The following GALNTL6 variants were observed in gnomAD, a reference collection of about 807,000 sequenced individuals.
GALNTL6 encodes polypeptide N-acetylgalactosaminyltransferase-like 6.
Under a neutral mutation model 73.7 loss-of-function variants are expected in GALNTL6, and 46 were observed. That is an observed-to-expected ratio of 0.62 (90% CI 0.49 to 0.80). The LOEUF is 0.80. GALNTL6 is among the 30% of genes least tolerant of loss of function. The pLI is 0.00. For missense variants in GALNTL6, 604 were observed against 755.0 expected (o/e 0.80, Z 2.34); for synonymous variants, 259 against 263.7 (o/e 0.98, Z 0.17).
chr4:172,204,330 A>C (rs1342477970), intron 2 of GALNTL6, among the ~76,000 whole-genome samples: 1 of 152,182 alleles, frequency 6.6e-6, no homozygotes, highest in East Asian at 1.9e-4. Flanking sequence ...TGACAGTGTA[A>C]GTCTTTTCTA....
intron 2 of GALNTL6, among the ~76,000 whole-genome samples, chr4:171,993,397 A>G (rs934773529): frequency 6.6e-6 from 1 of 152,110 alleles, no homozygotes; most frequent in East Asian, 1.9e-4. Context: ...GTTCAACTGT[A>G]TGGAGAACTT....
chr4:172,670,134 G>A (rs772959384), intron 5 of GALNTL6, among the ~76,000 whole-genome samples: 33 of 152,182 alleles, frequency 2.2e-4, no homozygotes, highest in East Asian at 5.8e-4. Flanking sequence ...GAACATATGC[G>A]TTCATGTATC....
chr4:172,162,375 A>G (rs1172483964), intron 2 of GALNTL6, among the ~76,000 whole-genome samples: 1 of 152,006 alleles, frequency 6.6e-6, no homozygotes, highest in East Asian at 1.9e-4. Context: ...CCTTCATAGG[A>G]TGCCAGAAAC....
intron 5 of GALNTL6, among the ~76,000 whole-genome samples, chr4:172,642,443 G>A (rs1740031894): frequency 6.6e-6 from 1 of 151,942 alleles, no homozygotes; most frequent in Non-Finnish European, 1.5e-5. Context: ...AAATAGATAA[G>A]CCTGGAGGAC....
intron 2 of GALNTL6, among the ~76,000 whole-genome samples, chr4:171,840,217 A>T (rs1289301044): frequency 6.6e-6 from 1 of 152,178 alleles, no homozygotes; most frequent in Non-Finnish European, 1.5e-5. Context: ...TCTTGGCCCT[A>T]CTATAGCCAA....
intron 2 of GALNTL6, among the ~76,000 whole-genome samples, chr4:171,856,714 T>C (rs1374643710): frequency 6.6e-6 from 1 of 152,230 alleles, no homozygotes; most frequent in African/African-American, 2.4e-5. Context: ...ATTCTCTTTG[T>C]CCCTTTGTCA....
chr4:172,791,231 A>G (rs1274870951), intron 5 of GALNTL6, among the ~76,000 whole-genome samples: 2 of 152,244 alleles, frequency 1.3e-5, no homozygotes, highest in East Asian at 3.8e-4. Flanking sequence ...GGGTGAGGGC[A>G]AGACACAAGA....
chr4:172,469,156 G>A (rs757286311), intron 5 of GALNTL6, among the ~76,000 whole-genome samples: 2 of 152,142 alleles, frequency 1.3e-5, no homozygotes, highest in African/African-American at 4.8e-5. Flanking sequence ...GAATGGTCAT[G>A]AGAAGATTAA....
intron 2 of GALNTL6, among the ~76,000 whole-genome samples, chr4:172,200,153 T>C (rs1218817482): frequency 6.6e-6 from 1 of 152,192 alleles, no homozygotes; most frequent in Non-Finnish European, 1.5e-5. Context: ...CAATGTATTC[T>C]AGATGCAGTA....
chr4:172,289,539 CAT>C (rs1739387827), intron 3 of GALNTL6, among the ~76,000 whole-genome samples: 1 of 152,150 alleles, frequency 6.6e-6, no homozygotes, highest in Admixed American at 6.5e-5. Context: ...TTGGAAAGAA[CAT>C]ATGTGAGAAT....
chr4:172,617,352 C>A (rs1738778676), intron 5 of GALNTL6, among the ~76,000 whole-genome samples: 1 of 149,670 alleles, frequency 6.7e-6, no homozygotes. Flanking sequence ...TTATTATTTA[C>A]CCTTAATTTC....
intron 3 of GALNTL6, among the ~76,000 whole-genome samples, chr4:172,260,895 T>G (rs1427474210): frequency 6.6e-6 from 1 of 151,604 alleles, no homozygotes; most frequent in East Asian, 1.9e-4. Context: ...GTTTATGTGA[T>G]GTATCACAAT....
intron 2 of GALNTL6, among the ~76,000 whole-genome samples, chr4:172,206,972 C>G (rs978968545): frequency 6.6e-6 from 1 of 151,492 alleles, no homozygotes; most frequent in East Asian, 2.0e-4. Flanking sequence ...CACCCACCAC[C>G]ACGCCCGGCT....
intron 2 of GALNTL6, among the ~76,000 whole-genome samples, chr4:171,899,275 T>A (rs963979795): frequency 6.6e-6 from 1 of 152,068 alleles, no homozygotes; most frequent in Non-Finnish European, 1.5e-5. Context: ...CCCTAATGAC[T>A]AGTAGCGTTT....
At chr4:172,169,757 T>G (rs7666355) in intron 2 of GALNTL6, among the ~76,000 whole-genome samples, 5,725 of 152,280 alleles carry the variant, frequency 0.038, 354 homozygotes, top group African/African-American at 0.13. Context: ...AAATGTCCAT[T>G]AATTTAGGAG....
At chr4:172,409,906 T>A (rs1744372342) in intron 5 of GALNTL6, among the ~76,000 whole-genome samples, 1 of 152,048 alleles carries the variant, frequency 6.6e-6, no homozygotes, top group East Asian at 1.9e-4. Context: ...CTAAGCACTG[T>A]GTTAGATACT....
intron 2 of GALNTL6, among the ~76,000 whole-genome samples, chr4:171,927,240 TTC>T (rs1738012730): frequency 6.6e-6 from 1 of 152,164 alleles, no homozygotes; most frequent in South Asian, 2.1e-4. Flanking sequence ...ATAAGATGCC[TTC>T]TTCAATGTAT....
intron 3 of GALNTL6, among the ~76,000 whole-genome samples, chr4:172,288,380 A>G (rs549753065): frequency 1.4e-3 from 211 of 152,224 alleles, no homozygotes; most frequent in African/African-American, 4.8e-3. Context: ...CATGAGCCAC[A>G]GCGCCTGGCC....
At chr4:171,830,971 A>T (rs1018922721) in intron 2 of GALNTL6, among the ~76,000 whole-genome samples, 1 of 152,126 alleles carries the variant, frequency 6.6e-6, no homozygotes, top group African/African-American at 2.4e-5. Context: ...ACTAATCTTT[A>T]AAAAAAGCAT....
Sources: allele counts gnomAD v4.1 joint callset (sites outside exome capture counted in the v4.1 genomes callset), GRCh38; gene constraint gnomAD v4.1.1; transcripts MANE v1.5; gene names NCBI Gene and HGNC (gene_info 2026-07-23, HGNC 2026-07-21).